GMDS: variants seen among roughly 807,000 people sequenced by gnomAD.
GMDS encodes the protein GDP-mannose 4,6 dehydratase.
In GMDS, 20 loss-of-function variants were observed where a neutral mutation model predicts 49.9. The observed-to-expected ratio is 0.40, with a 90% CI of 0.28 to 0.58. GMDS has a LOEUF of 0.58. Among genes scored for constraint, GMDS ranks in the 20% least tolerant of loss-of-function variants. The pLI is 0.42. For missense variants in GMDS, 362 were observed against 481.4 expected, an observed-to-expected ratio of 0.75 and a Z score of 2.32; for synonymous variants, 177 against 178.6, an observed-to-expected ratio of 0.99 and a Z score of 0.07.
At chr6:1,799,140 G>A (rs1769849990) in intron 7 of GMDS, among the ~76,000 whole-genome samples, 1 of 152,112 alleles carries the variant, frequency 6.6e-6, no homozygotes, top group Non-Finnish European at 1.5e-5. Context: ...GATCTGGGCT[G>A]GAGGTGGAGT....
At chr6:2,077,851 G>A (rs539111495) in intron 4 of GMDS, among the ~76,000 whole-genome samples, 2 of 152,164 alleles carry the variant, frequency 1.3e-5, no homozygotes, top group South Asian at 4.1e-4. Context: ...GTTTCAAGAG[G>A]ATTAGTATCA....
At chr6:1,780,108 C>A (rs909308943) in intron 7 of GMDS, among the ~76,000 whole-genome samples, 15 of 152,348 alleles carry the variant, frequency 9.8e-5, no homozygotes, top group African/African-American at 3.1e-4. Flanking sequence ...CGAAGTGAAT[C>A]CGACACTCTT....
intron 7 of GMDS, among the ~76,000 whole-genome samples, chr6:1,840,124 A>G (rs1757093621): frequency 6.6e-6 from 1 of 152,202 alleles, no homozygotes; most frequent in Non-Finnish European, 1.5e-5. Context: ...TGCACTTCAA[A>G]TGTCACAGTT....
At chr6:1,807,265 C>T (rs1165149616) in intron 7 of GMDS, among the ~76,000 whole-genome samples, 2 of 152,194 alleles carry the variant, frequency 1.3e-5, no homozygotes, top group Admixed American at 1.3e-4. Flanking sequence ...TGGTCTCGAA[C>T]TCCTGGGCTC....
At chr6:1,829,058 T>C (rs944875892) in intron 7 of GMDS, among the ~76,000 whole-genome samples, 4 of 152,170 alleles carry the variant, frequency 2.6e-5, no homozygotes, top group African/African-American at 9.7e-5. Context: ...AAGAAACATA[T>C]ATTTGCTATT....
chr6:1,653,194 T>C (rs956965684), intron 9 of GMDS, among the ~76,000 whole-genome samples: 2 of 152,156 alleles, frequency 1.3e-5, no homozygotes, highest in African/African-American at 2.4e-5. Context: ...TAAACTGGAC[T>C]GTACACTGCC....
chr6:1,778,667 C>A lies in GMDS; in HGVS notation c.772-36081G>T, dbSNP rs1215560059. ...TATAACCTCTGAAGGCCTAGACTTGCCCCAAATCCATTATTTTTGTCTGTC... is the reference window on the plus strand; with the variant it reads ...TATAACCTCTGAAGGCCTAGACTTGACCCAAATCCATTATTTTTGTCTGTC... On this transcript the variant is annotated intron_variant, in intron 7 of 10. Coordinates refer to ENST00000380815, the MANE Select transcript of GMDS (RefSeq NM_001500.4). This position sits in a 1 kb window ranked among gnomAD's most constrained non-coding sequence, Gnocchi z 4.6. Among the ~76,000 whole-genome samples, 2 of 152,158 alleles carry A rather than the reference C, an allele frequency of 1.3e-5. No homozygotes were observed. The highest frequency in any genetic ancestry group is 2.9e-5 in the Non-Finnish European group (2 of 68,020).
intron 4 of GMDS, among the ~76,000 whole-genome samples, chr6:1,997,112 G>T (rs189132088): frequency 9.3e-4 from 141 of 152,008 alleles, no homozygotes; most frequent in African/African-American, 3.2e-3. Flanking sequence ...AGGAAGGGAT[G>T]GGGTAAAGAG....
chr6:2,068,860 C>A (rs549894908), intron 4 of GMDS, among the ~76,000 whole-genome samples: 1 of 152,238 alleles, frequency 6.6e-6, no homozygotes, highest in South Asian at 2.1e-4. Context: ...TTTACAGATT[C>A]AATGCCATCC....
chr6:2,172,533 A>G (rs1220508254), intron 1 of GMDS, among the ~76,000 whole-genome samples: 1 of 152,138 alleles, frequency 6.6e-6, no homozygotes, highest in Non-Finnish European at 1.5e-5. Flanking sequence ...TCTACTAAAA[A>G]TACCAAAAAA....
chr6:1,775,580 G>C (rs941443442), intron 7 of GMDS, among the ~76,000 whole-genome samples: 3 of 152,180 alleles, frequency 2.0e-5, no homozygotes, highest in African/African-American at 7.2e-5. Flanking sequence ...TTTAGCAGGG[G>C]TCAAAACACA....
intron 8 of GMDS, among the ~76,000 whole-genome samples, chr6:1,737,924 T>C (rs1767088018): frequency 8.5e-6 from 1 of 117,410 alleles, no homozygotes; most frequent in African/African-American, 3.5e-5. Context: ...CACACACAGA[T>C]ACATACACAC....
At chr6:2,234,558 A>C (rs891916728) in intron 1 of GMDS, among the ~76,000 whole-genome samples, 7 of 152,058 alleles carry the variant, frequency 4.6e-5, no homozygotes, top group Non-Finnish European at 1.0e-4. Flanking sequence ...GCAGTGAGCC[A>C]AAATCGCACC....
intron 1 of GMDS, among the ~76,000 whole-genome samples, chr6:2,207,379 G>T (rs980241571): frequency 2.0e-5 from 3 of 151,956 alleles, no homozygotes; most frequent in Admixed American, 6.5e-5. Flanking sequence ...TCATTGGCCA[G>T]AATTGAATCA....
intron 1 of GMDS, among the ~76,000 whole-genome samples, chr6:2,208,489 T>C (rs981514911): frequency 2.6e-5 from 4 of 152,198 alleles, no homozygotes; most frequent in Admixed American, 6.5e-5. Context: ...CTTTTTACAG[T>C]CACAGGAAAA....
At chr6:2,182,496 C>T (rs890892186) in intron 1 of GMDS, among the ~76,000 whole-genome samples, 1 of 152,222 alleles carries the variant, frequency 6.6e-6, no homozygotes, top group Non-Finnish European at 1.5e-5. Flanking sequence ...CTTCAACTGA[C>T]AGGCTGACTC....
chr6:1,715,380 G>T (rs1427094133), intron 9 of GMDS, among the ~76,000 whole-genome samples: 1 of 152,198 alleles, frequency 6.6e-6, no homozygotes, highest in Non-Finnish European at 1.5e-5. Flanking sequence ...TAAAGCATAA[G>T]AATGATTCTT....
chr6:1,642,206 G>A (rs1013519683), intron 9 of GMDS, among the ~76,000 whole-genome samples: 1 of 124,862 alleles, frequency 8.0e-6, no homozygotes, highest in African/African-American at 3.1e-5. Context: ...TCACTCTATC[G>A]CCCAGGCTGG....
chr6:1,734,192 T>C (rs1561766582), intron 8 of GMDS, among the ~76,000 whole-genome samples: 1 of 152,212 alleles, frequency 6.6e-6, no homozygotes, highest in Admixed American at 6.5e-5. Context: ...TTCCATCTTA[T>C]TTATGATAAT....
Sources: gnomAD v4.1 joint callset for allele counts (sites outside exome capture counted in the v4.1 genomes callset) on GRCh38, gnomAD v4.1.1 for gene constraint, Gnocchi (gnomAD v3.1) non-coding constraint, MANE v1.5 for transcripts, NCBI Gene and HGNC (gene_info 2026-07-23, HGNC 2026-07-21) for gene names.